The following KCNQ3 variants were observed in gnomAD, a reference collection of about 807,000 sequenced individuals.
The protein encoded by KCNQ3 is potassium voltage-gated channel subfamily KQT member 3.
In KCNQ3, 30 loss-of-function variants were observed where a neutral mutation model predicts 92.5. That is an observed-to-expected ratio of 0.32 (90% CI 0.24 to 0.44). The LOEUF is 0.44. Among genes scored for constraint, KCNQ3 ranks in the 20% least tolerant of loss-of-function variants. The pLI is 1.00. For synonymous variants in KCNQ3, 450 were observed against 468.8 expected, an observed-to-expected ratio of 0.96 and a Z score of 0.52; for missense variants, 913 against 1,140.3, an observed-to-expected ratio of 0.80 and a Z score of 2.87.
rs1316735549 is a variant in KCNQ3 at position 132,208,293 on chromosome 8, G to A, written c.387-22112C>T. ...GCACATGCTACTCTGCTGGGAGAAA[G>A]GGCGGTCAACAGTATCCTACTAAGC... is the stretch of plus-strand genomic sequence containing the variant. On this transcript the variant is annotated intron_variant, in intron 1 of 14. Coordinates refer to ENST00000388996, the MANE Select transcript of KCNQ3 (RefSeq NM_004519.4). Among the ~76,000 whole-genome samples the A allele has an allele frequency of 2.0e-5, 3 of 151,988 alleles. No individual in the cohort carries two copies. In the East Asian group the frequency reaches 5.8e-4, roughly 29 times the overall value.
At chr8:132,296,788 A>G (rs1817042951) in intron 1 of KCNQ3, among the ~76,000 whole-genome samples, 2 of 151,922 alleles carry the variant, frequency 1.3e-5, no homozygotes, top group African/African-American at 2.4e-5. Flanking sequence ...CCAGTCTATC[A>G]TTGTTGGACA....
Position 132,354,843 on chromosome 8 carries a change from A to C in KCNQ3, c.386+125304T>G, listed in dbSNP as rs148559698. 1.4e-4 allele frequency among the ~76,000 whole-genome samples: 21 copies of C among 152,326 alleles called. No homozygotes were observed. In the East Asian group the frequency reaches 4.1e-3, roughly 29 times the overall value. ...TTGTGGAGTCAGTGGGGCACCCCCA[A>C]TAATCCCTGGTAGCCTCTGCTCTTT... On this transcript the variant is annotated intron_variant, in intron 1 of 14. Transcript: ENST00000388996.
In KCNQ3 at chr8:132,467,766, A is replaced by AC. The variant is rs1221618621; in HGVS notation, c.386+12380dup. Among the ~76,000 whole-genome samples, 6 of 152,218 alleles carry AC rather than the reference A, an allele frequency of 3.9e-5. No individual in the cohort carries two copies. In the East Asian group the frequency reaches 1.2e-3, roughly 29 times the overall value. On this transcript the variant is annotated intron_variant, in intron 1 of 14. Transcript: ENST00000388996. ...TAGCTTTTCTGAGATAAAGTGAAAG[A>AC]CCCCATCAAGCAAAACTATACTTCG...
chr8:132,189,077 G>A (rs1261327467), intron 1 of KCNQ3, among the ~76,000 whole-genome samples: 3 of 152,072 alleles, frequency 2.0e-5, no homozygotes, highest in Admixed American at 6.6e-5. Context: ...GTCATCTCCC[G>A]CTGCTTCCCC....
At chr8:132,372,009 T>C (rs1253768852) in intron 1 of KCNQ3, among the ~76,000 whole-genome samples, 1 of 152,140 alleles carries the variant, frequency 6.6e-6, no homozygotes, top group Non-Finnish European at 1.5e-5. Flanking sequence ...AGCCTTGCAG[T>C]AAAGAGCAGC....
At chr8:132,227,121 C>T (rs1391015569) in intron 1 of KCNQ3, among the ~76,000 whole-genome samples, 5 of 145,926 alleles carry the variant, frequency 3.4e-5, no homozygotes, top group African/African-American at 5.1e-5. Context: ...AGTGCTGTGG[C>T]GCGATCTCGG....
intron 1 of KCNQ3, among the ~76,000 whole-genome samples, chr8:132,264,735 C>G (rs181667790): frequency 3.5e-4 from 53 of 152,260 alleles, no homozygotes; most frequent in African/African-American, 1.2e-3. Flanking sequence ...AGTGGAACAG[C>G]CTTGGGTAAG....
intron 1 of KCNQ3, among the ~76,000 whole-genome samples, chr8:132,197,892 G>A (rs1381581326): frequency 1.3e-5 from 2 of 152,080 alleles, no homozygotes; most frequent in African/African-American, 2.4e-5. Flanking sequence ...CCTCATAAAC[G>A]GGTACCAAAA....
intron 1 of KCNQ3, among the ~76,000 whole-genome samples, chr8:132,257,745 C>CAAAAAA (rs1174893538): frequency 1.4e-3 from 107 of 76,568 alleles, no homozygotes; most frequent in Non-Finnish European, 1.7e-3. Flanking sequence ...GACTCCAGCT[C>CAAAAAA]AAAAAAAAAA....
chr8:132,460,731 A>G (rs1822042451), intron 1 of KCNQ3, among the ~76,000 whole-genome samples: 1 of 152,166 alleles, frequency 6.6e-6, no homozygotes, highest in Non-Finnish European at 1.5e-5. Context: ...GTGACCTCCT[A>G]AATAATTTTT....
chr8:132,367,806 C>A (rs923247218), intron 1 of KCNQ3, among the ~76,000 whole-genome samples: 28 of 152,300 alleles, frequency 1.8e-4, no homozygotes, highest in African/African-American at 6.3e-4. Flanking sequence ...AGTCACTGTG[C>A]CCCATCCAGA....
chr8:132,418,237 A>G (rs1371292489), intron 1 of KCNQ3, among the ~76,000 whole-genome samples: 1 of 152,232 alleles, frequency 6.6e-6, no homozygotes, highest in African/African-American at 2.4e-5. Context: ...AACTCAGACC[A>G]TAGGCTTTCT....
Position 132,363,646 on chromosome 8 carries a change from G to C in KCNQ3, c.386+116501C>G, listed in dbSNP as rs146741060. On this transcript the variant is annotated intron_variant, in intron 1 of 14. Coordinates refer to ENST00000388996, the MANE Select transcript of KCNQ3 (RefSeq NM_004519.4). The stretch of plus-strand genomic sequence containing the variant: ...AAGCAGTGATCTGATTCTGTAGTAC[G>C]CTGTCACCATCCACCCTGGATGCCA... Among the ~76,000 whole-genome samples, 177 of 152,070 alleles carry C rather than the reference G, an allele frequency of 1.2e-3. 3 individuals are homozygous for C. In the East Asian group the frequency reaches 0.03, roughly 26 times the overall value.
At chr8:132,221,517 G>A (rs1814237034) in intron 1 of KCNQ3, among the ~76,000 whole-genome samples, 1 of 152,168 alleles carries the variant, frequency 6.6e-6, no homozygotes, top group South Asian at 2.1e-4. Context: ...TCTAACTGGT[G>A]TGAGATGGTA....
At chr8:132,228,876 A>G (rs1246147307) in intron 1 of KCNQ3, among the ~76,000 whole-genome samples, 2 of 152,210 alleles carry the variant, frequency 1.3e-5, no homozygotes, top group Non-Finnish European at 2.9e-5. Flanking sequence ...TGAGTTGAGC[A>G]TTTATCTTGC....
intron 1 of KCNQ3, among the ~76,000 whole-genome samples, chr8:132,289,376 G>A (rs1816776086): frequency 6.6e-6 from 1 of 152,140 alleles, no homozygotes; most frequent in Non-Finnish European, 1.5e-5. Context: ...CAGTATCCTT[G>A]TGCTGAAAAG....
intron 1 of KCNQ3, among the ~76,000 whole-genome samples, chr8:132,229,698 A>G (rs538147644): frequency 1.3e-5 from 2 of 151,986 alleles, no homozygotes; most frequent in South Asian, 4.2e-4. Context: ...CAAGCAGGGG[A>G]CCAGAGACAA....
intron 1 of KCNQ3, chr8:132,321,646 C>T (rs867102662): frequency 1.2e-4 from 18 of 152,228 alleles, no homozygotes; most frequent in African/African-American, 4.3e-4. Flanking sequence ...AAGCACTTCA[C>T]ATTTTCACCT....
intron 1 of KCNQ3, among the ~76,000 whole-genome samples, chr8:132,289,967 T>C (rs751073916): frequency 1.3e-4 from 20 of 152,194 alleles, no homozygotes; most frequent in African/African-American, 4.8e-4. Context: ...GTCTCTTTTG[T>C]AGACTCTTCC....
Sources: allele counts gnomAD v4.1 joint callset (sites outside exome capture counted in the v4.1 genomes callset), GRCh38; gene constraint gnomAD v4.1.1; transcripts MANE v1.5; gene names NCBI Gene and HGNC (gene_info 2026-07-23, HGNC 2026-07-21).